The following HECW2 variants were observed in gnomAD, a reference collection of about 807,000 sequenced individuals.
HECW2 encodes E3 ubiquitin-protein ligase HECW2.
In HECW2, 61 loss-of-function variants were observed where a neutral mutation model predicts 175.2. That is an observed-to-expected ratio of 0.35 (90% CI 0.28 to 0.43). The LOEUF (loss-of-function observed/expected upper bound fraction) is 0.43, where lower values mean the gene tolerates loss of function less well. HECW2 is among the 20% of genes least tolerant of loss of function. The probability of loss-of-function intolerance (pLI) is 1.00; values close to 1 mark genes in which losing one functional copy is unlikely to be tolerated. For synonymous variants in HECW2, 671 were observed against 731.0 expected (o/e 0.92, Z 1.32); for missense variants, 1,524 against 2,000.5 (o/e 0.76, Z 4.54).
intron 19 of HECW2, among the ~76,000 whole-genome samples, chr2:196,246,688 C>A (rs1226063582): frequency 1.3e-5 from 2 of 152,058 alleles, no homozygotes; most frequent in East Asian, 3.9e-4. Context: ...CTGTGCCCTG[C>A]CAAGAAACAT....
At chr2:196,467,941 A>T (rs1468978288) in intron 1 of HECW2, among the ~76,000 whole-genome samples, 1 of 152,244 alleles carries the variant, frequency 6.6e-6, no homozygotes, top group Non-Finnish European at 1.5e-5. Context: ...CATCAGCATC[A>T]ACAGTGTCTA....
intron 14 of HECW2, chr2:196,290,518 T>C (rs1390580404): frequency 1.3e-5 from 2 of 152,198 alleles, no homozygotes; most frequent in Non-Finnish European, 2.9e-5. Flanking sequence ...CATTATCCAT[T>C]ATCTTAACTT....
At chr2:196,328,819 T>C (rs1187132174) in intron 5 of HECW2, among the ~76,000 whole-genome samples, 2 of 152,180 alleles carry the variant, frequency 1.3e-5, no homozygotes, top group African/African-American at 4.8e-5. Flanking sequence ...TACCAATTTA[T>C]TTTCTAAAAT....
intron 28 of HECW2, among the ~76,000 whole-genome samples, chr2:196,210,968 A>T (rs1687262628): frequency 6.6e-6 from 1 of 152,028 alleles, no homozygotes. Flanking sequence ...GTTTTTAAAA[A>T]ATAATTTTAT....
At chr2:196,534,175 A>G (rs1018433895) in intron 1 of HECW2, among the ~76,000 whole-genome samples, 5 of 152,202 alleles carry the variant, frequency 3.3e-5, no homozygotes, top group African/African-American at 1.2e-4. Flanking sequence ...TTACAAGATC[A>G]GGTATTTATA....
intron 28 of HECW2, among the ~76,000 whole-genome samples, chr2:196,215,399 A>T (rs976962140): frequency 6.6e-6 from 1 of 152,252 alleles, no homozygotes; most frequent in Non-Finnish European, 1.5e-5. Flanking sequence ...CTTACTATGA[A>T]TGAGAATACA....
chr2:196,354,290 C>T (rs1483736936), intron 2 of HECW2, among the ~76,000 whole-genome samples: 2 of 152,220 alleles, frequency 1.3e-5, no homozygotes, highest in African/African-American at 2.4e-5. Context: ...TGGGCACCAC[C>T]GCATTCCCAT....
At chr2:196,537,270 G>A in intron 1 of HECW2, among the ~76,000 whole-genome samples, 1 of 152,132 alleles carries the variant, frequency 6.6e-6, no homozygotes. Context: ...GGAAACCTGT[G>A]TGGAAACTGA....
chr2:196,271,362 C>T (rs1350736663), intron 16 of HECW2, 73 bp from the exon 17 acceptor site: 22 of 1,063,656 alleles, frequency 2.1e-5, no homozygotes, highest in Non-Finnish European at 2.8e-5. Context: ...TAAATCCAAA[C>T]CTGTGTGCCC....
At chr2:196,399,640 C>A (rs1375688297) in intron 2 of HECW2, among the ~76,000 whole-genome samples, 2 of 152,162 alleles carry the variant, frequency 1.3e-5, no homozygotes, top group Non-Finnish European at 2.9e-5. Flanking sequence ...CAAGCTGAAG[C>A]CACTGTAGTA....
chr2:196,500,979 A>T (rs1479301671), intron 1 of HECW2, among the ~76,000 whole-genome samples: 1 of 152,228 alleles, frequency 6.6e-6, no homozygotes, highest in Non-Finnish European at 1.5e-5. Context: ...TCCCGCTTTA[A>T]ATCATTTCCA....
chr2:196,296,772 A>G (rs148982429), intron 13 of HECW2, among the ~76,000 whole-genome samples: 3 of 152,378 alleles, frequency 2.0e-5, no homozygotes, highest in African/African-American at 7.2e-5. Context: ...AAACACACGG[A>G]CAGAATGAAC....
Position 196,203,781 on chromosome 2 carries a change from G to A in HECW2, c.4608-2393C>T, listed in dbSNP as rs143213422. 1.4e-4 allele frequency among the ~76,000 whole-genome samples: 21 copies of A among 152,204 alleles called. 1 individual carries two copies. The East Asian group carries it at 3.9e-3, about 28-fold the overall frequency. On this transcript the variant is annotated intron_variant, in intron 28 of 28. Transcript: ENST00000644978. ...AGTACCATGGCATTAGTACACCTAC[G>A]TTATTTTGCAACCATCATCACTATC...
chr2:196,395,091 C>G (rs897592004), intron 2 of HECW2, among the ~76,000 whole-genome samples: 1 of 152,116 alleles, frequency 6.6e-6, no homozygotes, highest in Non-Finnish European at 1.5e-5. Context: ...CTCATCACCT[C>G]TCAAAGGCCC....
At chr2:196,543,669 G>A (rs1203777409) in intron 1 of HECW2, among the ~76,000 whole-genome samples, 6 of 151,922 alleles carry the variant, frequency 3.9e-5, no homozygotes, top group African/African-American at 1.2e-4. Flanking sequence ...CTGGAATGCA[G>A]TAGCGCAATC....
At chr2:196,569,069 G>A (rs112357945) in intron 1 of HECW2, among the ~76,000 whole-genome samples, 7,331 of 152,234 alleles carry the variant, frequency 0.048, 204 homozygotes, top group Middle Eastern at 0.11. Context: ...TGGGAAAGGC[G>A]GCTCATGCCT....
intron 22 of HECW2, among the ~76,000 whole-genome samples, chr2:196,226,533 T>G (rs990226400): frequency 6.6e-6 from 1 of 152,202 alleles, no homozygotes; most frequent in Non-Finnish European, 1.5e-5. Flanking sequence ...CCACCTTCAC[T>G]GCATATCAAC....
intron 1 of HECW2, among the ~76,000 whole-genome samples, chr2:196,561,822 GGAGGAAAGGTA>G (rs1335874998): frequency 6.6e-6 from 1 of 152,170 alleles, no homozygotes; most frequent in Non-Finnish European, 1.5e-5. Flanking sequence ...GCAAAGATTA[GGAGGAAAGGTA>G]GATTCTGAGA....
At chr2:196,459,513 C>A (rs1471482527) in intron 1 of HECW2, among the ~76,000 whole-genome samples, 2 of 151,924 alleles carry the variant, frequency 1.3e-5, no homozygotes, top group Non-Finnish European at 2.9e-5. Flanking sequence ...CCCCAGAAAT[C>A]CTTGAAAACT....
Sources: gnomAD v4.1 joint callset for allele counts (sites outside exome capture counted in the v4.1 genomes callset) on GRCh38, gnomAD v4.1.1 for gene constraint, MANE v1.5 for transcripts, NCBI Gene and HGNC (gene_info 2026-07-23, HGNC 2026-07-21) for gene names.